Variants in KCNH7 observed in about 807,000 individuals in gnomAD.
KCNH7 encodes the protein voltage-gated inwardly rectifying potassium channel KCNH7.
A neutral mutation model predicts 120.8 loss-of-function variants in KCNH7; 49 were observed. The observed-to-expected ratio is 0.41, with a 90% CI of 0.32 to 0.51. The LOEUF is 0.51. Ranked by LOEUF, KCNH7 falls within the 20% of genes least tolerant of loss-of-function variation. The probability of loss-of-function intolerance (pLI) is 0.38; values close to 1 mark genes in which losing one functional copy is unlikely to be tolerated. For missense variants in KCNH7, 1,097 were observed against 1,446.6 expected (o/e 0.76, Z 3.92); for synonymous variants, 547 against 516.1 (o/e 1.06, Z -0.81).
At chr2:162,812,363 C>T (rs1278241446) in intron 2 of KCNH7, among the ~76,000 whole-genome samples, 2 of 152,028 alleles carry the variant, frequency 1.3e-5, no homozygotes, top group Non-Finnish European at 2.9e-5. Flanking sequence ...CAGGGACAAC[C>T]AGGAGGCTAG....
chr2:162,504,421 T>C, intron 6 of KCNH7, 22 bp downstream of exon 6: 1 of 1,557,762 alleles, frequency 6.4e-7, no homozygotes, highest in Non-Finnish European at 8.9e-7. Context: ...CAGTTGAAAT[T>C]GATAAGAAAA....
intron 9 of KCNH7, among the ~76,000 whole-genome samples, chr2:162,404,755 C>G (rs995815280): frequency 6.6e-6 from 1 of 151,936 alleles, no homozygotes; most frequent in Non-Finnish European, 1.5e-5. Flanking sequence ...TTATAAATTA[C>G]CCAGTCTCAG....
chr2:162,619,636 A>G (rs562293649), intron 2 of KCNH7, among the ~76,000 whole-genome samples: 2 of 152,130 alleles, frequency 1.3e-5, no homozygotes, highest in Admixed American at 6.5e-5. Context: ...CTTTTTATAA[A>G]TAAGCCAATA....
At chr2:162,606,649 T>C (rs1682783064) in intron 2 of KCNH7, among the ~76,000 whole-genome samples, 1 of 152,190 alleles carries the variant, frequency 6.6e-6, no homozygotes, top group Admixed American at 6.5e-5. Context: ...TTTGAGCAGA[T>C]GACTATTTTC....
At chr2:162,771,705 T>C (rs1047689014) in intron 2 of KCNH7, among the ~76,000 whole-genome samples, 5 of 152,184 alleles carry the variant, frequency 3.3e-5, no homozygotes, top group African/African-American at 4.8e-5. Context: ...GATCTATTAA[T>C]AGTCTCAGAG....
chr2:162,395,551 G>C (rs1164737388), intron 11 of KCNH7, among the ~76,000 whole-genome samples: 6 of 151,664 alleles, frequency 4.0e-5, no homozygotes, highest in Non-Finnish European at 7.4e-5. Context: ...ATATAAAGAA[G>C]TTATGAGAGG....
At chr2:162,682,606 C>T (rs766765646) in intron 2 of KCNH7, among the ~76,000 whole-genome samples, 83 of 151,606 alleles carry the variant, frequency 5.5e-4, no homozygotes, top group South Asian at 1.2e-3. Context: ...CATAAAATAC[C>T]GAAAGAATGT....
rs141485242 is a variant in KCNH7, at chr2:162,451,974, T to C, written c.1129-5531A>G. Reference sequence around the variant, plus strand: ...ATGTGGAAAGGAAGGATTCAATCAGTTAGGGTTATCTTGGAGACAAACTAT... The same window carrying C: ...ATGTGGAAAGGAAGGATTCAATCAGCTAGGGTTATCTTGGAGACAAACTAT... On this transcript the variant is annotated intron_variant, in intron 6 of 15. Coordinates refer to ENST00000332142, the MANE Select transcript of KCNH7 (RefSeq NM_033272.4). 2.0e-3 allele frequency among the ~76,000 whole-genome samples: 297 copies of C among 152,196 alleles called. 1 individual carries two copies. Among genetic ancestry groups the C allele is most frequent in the African/African-American group, 6.7e-3 (277 of 41,544 alleles).
chr2:162,377,619 T>A (rs1348483862), intron 14 of KCNH7, among the ~76,000 whole-genome samples: 1 of 152,176 alleles, frequency 6.6e-6, no homozygotes. Context: ...TAGGTTACAG[T>A]GGCTTCTGTG....
intron 11 of KCNH7, among the ~76,000 whole-genome samples, chr2:162,395,360 G>A (rs1349471042): frequency 4.6e-5 from 7 of 151,624 alleles, no homozygotes; most frequent in East Asian, 3.9e-4. Flanking sequence ...GGTAATTATC[G>A]TAAGGTTAAA....
chr2:162,380,931 T>C (rs1031988735), intron 13 of KCNH7, among the ~76,000 whole-genome samples: 1 of 152,136 alleles, frequency 6.6e-6, no homozygotes, highest in Admixed American at 6.6e-5. Flanking sequence ...CTACAATCTA[T>C]ATTTTAAGCT....
rs1690584870 is a variant in KCNH7 at position 162,498,865 on chromosome 2, A to C, written c.1128+5578T>G. On this transcript the variant is annotated intron_variant, in intron 6 of 15. Coordinates refer to ENST00000332142, the MANE Select transcript of KCNH7 (RefSeq NM_033272.4). Reference sequence around the variant, plus strand: ...CAAGGGAGAGAATGTCACTAGTTACACAAAAATGTATATAGCTCACCCCAA... The same window carrying C: ...CAAGGGAGAGAATGTCACTAGTTACCCAAAAATGTATATAGCTCACCCCAA... Among the ~76,000 whole-genome samples, 6 of 152,216 alleles carry C rather than the reference A, an allele frequency of 3.9e-5. No homozygotes were observed. The South Asian group carries it at 1.2e-3, about 32-fold the overall frequency.
intron 2 of KCNH7, among the ~76,000 whole-genome samples, chr2:162,733,051 A>T (rs1023088506): frequency 2.0e-5 from 3 of 152,178 alleles, no homozygotes; most frequent in African/African-American, 7.2e-5. Flanking sequence ...TTCAGACCTG[A>T]TATAAATTCT....
intron 3 of KCNH7, among the ~76,000 whole-genome samples, chr2:162,525,047 A>T (rs575748652): frequency 1.1e-3 from 163 of 152,054 alleles, no homozygotes; most frequent in South Asian, 2.3e-3. Context: ...ATAACAAAAG[A>T]TCACCAGGGA....
chr2:162,804,711 T>C (rs1684473724), intron 2 of KCNH7, among the ~76,000 whole-genome samples: 1 of 148,468 alleles, frequency 6.7e-6, no homozygotes, highest in Admixed American at 6.7e-5. Context: ...CCCATCAAAA[T>C]ACAAACATCA....
At chr2:162,472,825 A>T (rs1253491943) in intron 6 of KCNH7, among the ~76,000 whole-genome samples, 2 of 152,156 alleles carry the variant, frequency 1.3e-5, no homozygotes, top group East Asian at 1.9e-4. Flanking sequence ...AATAGCAAAA[A>T]CTTGGAACCG....
chr2:162,654,540 TG>T (rs569157995), intron 2 of KCNH7, among the ~76,000 whole-genome samples: 52 of 152,198 alleles, frequency 3.4e-4, no homozygotes, highest in African/African-American at 1.2e-3. Flanking sequence ...CCTTGCACAC[TG>T]TTGGTGGTTA....
chr2:162,534,368 A>G (rs1692034659), intron 3 of KCNH7, among the ~76,000 whole-genome samples: 1 of 151,502 alleles, frequency 6.6e-6, no homozygotes, highest in African/African-American at 2.4e-5. Flanking sequence ...CTGATTAATC[A>G]ACAATTTTAA....
At chr2:162,668,471 C>T (rs1437785511) in intron 2 of KCNH7, among the ~76,000 whole-genome samples, 1 of 152,066 alleles carries the variant, frequency 6.6e-6, no homozygotes, top group Non-Finnish European at 1.5e-5. Context: ...AATCACAAGC[C>T]ACCACTGATG....
Sources: allele counts gnomAD v4.1 joint callset (sites outside exome capture counted in the v4.1 genomes callset), GRCh38; gene constraint gnomAD v4.1.1; transcripts MANE v1.5; gene names NCBI Gene and HGNC (gene_info 2026-07-23, HGNC 2026-07-21).